The following ANKMY1 variants were observed in gnomAD, a reference collection of about 807,000 sequenced individuals.
ANKMY1 encodes the protein ankyrin repeat and MYND domain containing 1.
ANKMY1 carries 98 observed loss-of-function variants against 102.0 expected under a neutral mutation model. That is an observed-to-expected ratio of 0.96 (90% CI 0.82 to 1.14). The LOEUF (loss-of-function observed/expected upper bound fraction) is 1.14. Ranked by LOEUF, ANKMY1 falls within the 50% of genes most tolerant of loss-of-function variation. The probability of loss-of-function intolerance (pLI) is 0.00; values close to 1 mark genes in which losing one functional copy is unlikely to be tolerated. For synonymous variants in ANKMY1, 582 were observed against 559.9 expected (o/e 1.04, Z -0.56); for missense variants, 1,330 against 1,347.6 (o/e 0.99, Z 0.20).
At chr2:240,518,246 C>T (rs995547521) in intron 9 of ANKMY1, among the ~76,000 whole-genome samples, 1 of 152,136 alleles carries the variant, frequency 6.6e-6, no homozygotes, top group African/African-American at 2.4e-5. Context: ...GGAAACCAAC[C>T]AGCAGTCCTC....
intron 9 of ANKMY1, among the ~76,000 whole-genome samples, chr2:240,516,922 CTTTT>C (rs1346467908): frequency 6.6e-6 from 1 of 152,120 alleles, no homozygotes; most frequent in African/African-American, 2.4e-5. Flanking sequence ...ACTGCTGTTT[CTTTT>C]TGTTTCATTT....
chr2:240,541,093 G>A (rs1438538216), intron 4 of ANKMY1, among the ~76,000 whole-genome samples: 8 of 152,196 alleles, frequency 5.3e-5, no homozygotes, highest in Non-Finnish European at 1.0e-4. Context: ...ACTAAGAGAG[G>A]AAAGCACCCC....
At chr2:240,560,839 C>T (rs1173394450), upstream of ANKMY1, 2 of 1,400,246 alleles carry the variant, frequency 1.4e-6, no homozygotes, top group Non-Finnish European at 9.2e-7. Context: ...GTCAACGTCT[C>T]CCGCCAGCAG....
At chr2:240,505,568 T>A (rs1344032709) in intron 13 of ANKMY1, among the ~76,000 whole-genome samples, 1 of 151,850 alleles carries the variant, frequency 6.6e-6, no homozygotes, top group Non-Finnish European at 1.5e-5. Flanking sequence ...AAGAGAAACG[T>A]GTCCATTGGC....
downstream of ANKMY1, among the ~76,000 whole-genome samples, chr2:240,477,318 A>G (rs1238289923): frequency 6.6e-6 from 1 of 152,188 alleles, no homozygotes; most frequent in African/African-American, 2.4e-5. Context: ...CTCTGTCTCA[A>G]AAAAAATAAT....
In ANKMY1 at chr2:240,479,571, C is replaced by T; in HGVS notation, c.*38G>A. ...AGGCAGGTAAGAAACCCACACAGTC[C>T]TGGGTCCTCCCCAAGCCTCGGACGT... On this transcript the variant is annotated 3_prime_UTR_variant, in exon 18 of 18. Coordinates refer to ENST00000401804, the MANE Select transcript of ANKMY1 (RefSeq NM_001282771.3). The T allele has an allele frequency of 6.2e-7, 1 of 1,611,424 alleles. No individual in the cohort carries two copies. Among genetic ancestry groups the T allele is most frequent in the African/African-American group, 1.3e-5 (1 of 75,006 alleles).
intron 13 of ANKMY1, among the ~76,000 whole-genome samples, chr2:240,505,708 TGA>T (rs1449637584): frequency 6.6e-6 from 1 of 151,704 alleles, no homozygotes; most frequent in African/African-American, 2.4e-5. Context: ...AACTTTTCTG[TGA>T]GTCTGAAAAG....
chr2:240,533,718 AACACACAC>A (rs34916770), intron 4 of ANKMY1, among the ~76,000 whole-genome samples: 241 of 145,602 alleles, frequency 1.7e-3, no homozygotes, highest in Middle Eastern at 3.6e-3. Flanking sequence ...GATTTCAATA[AACACACAC>A]ACACACACAC....
At chr2:240,554,786 G>T in intron 3 of ANKMY1, 80 bp downstream of exon 3, 1 of 1,519,076 alleles carries the variant, frequency 6.6e-7, no homozygotes, top group South Asian at 1.2e-5. Flanking sequence ...AAAAGTTCCC[G>T]TCCCATCACT....
downstream of ANKMY1, among the ~76,000 whole-genome samples, chr2:240,476,753 C>T (rs550437068): frequency 6.6e-6 from 1 of 152,222 alleles, no homozygotes; most frequent in South Asian, 2.1e-4. Context: ...ATTGGTTATA[C>T]AATTACAGGT....
At chr2:240,538,529 C>T (rs1202069029) in intron 4 of ANKMY1, among the ~76,000 whole-genome samples, 2 of 152,152 alleles carry the variant, frequency 1.3e-5, no homozygotes, top group Admixed American at 6.5e-5. Flanking sequence ...GGGCAGGGCT[C>T]GGGACCTGCA....
At position 240,507,621 on chromosome 2, in the gene ANKMY1, A is replaced by T; in HGVS notation, c.2465T>A (p.Leu822Gln). Reference sequence around the variant, plus strand: ...GTAGGTCAGGTCACAGGCAACACACAGGGCACTGCCCAAGCCTTTGGTCAG... The same window carrying T: ...GTAGGTCAGGTCACAGGCAACACACTGGGCACTGCCCAAGCCTTTGGTCAG... ...LPLTKGLGSA[L>Q]CVACDLTYEH... is the part of the protein sequence containing the mutation. Residue 822 changes from leucine (L) to glutamine (Q), a missense_variant, in exon 13 of 18, where the codon CTG becomes CAG. Transcript: ENST00000401804. 6.2e-7 allele frequency: 1 copy of T among 1,611,904 alleles called. No individual in the cohort carries two copies. The highest frequency in any genetic ancestry group is 1.7e-4 in the Middle Eastern group (1 of 6,048).
chr2:240,556,195 C>T (rs999409874), intron 2 of ANKMY1, among the ~76,000 whole-genome samples: 8 of 151,368 alleles, frequency 5.3e-5, no homozygotes, highest in African/African-American at 1.5e-4. Flanking sequence ...GGGAAAAGGG[C>T]TTGTGGGAAA....
chr2:240,538,437 G>T (rs2087550052), intron 4 of ANKMY1, among the ~76,000 whole-genome samples: 1 of 152,186 alleles, frequency 6.6e-6, no homozygotes, highest in Non-Finnish European at 1.5e-5. Flanking sequence ...AGAAGCTGCG[G>T]AGGGTGCGCC....
In ANKMY1 at chr2:240,520,291, C is replaced by T; in HGVS notation, c.2004+71G>A. 1.3e-6 allele frequency: 2 copies of T among 1,487,352 alleles called. No homozygotes were observed. The highest frequency in any genetic ancestry group is 2.8e-5 in the African/African-American group (2 of 71,342). 92.1% of individuals were successfully genotyped at this position (1,487,352 alleles called of 1,614,324 possible). ...CCCTCTCTTCCGCGCCTAGGTGGAG[C>T]GAGGAGCTTCCCGGCCAGTGCCCGG... On this transcript the variant is annotated intron_variant, in intron 9 of 17. Coordinates refer to ENST00000401804, the MANE Select transcript of ANKMY1 (RefSeq NM_001282771.3). This position sits in a 1 kb window ranked among gnomAD's most constrained non-coding sequence, Gnocchi z 4.8.
downstream of ANKMY1, among the ~76,000 whole-genome samples, chr2:240,475,093 TTA>T (rs1354607901): frequency 2.6e-5 from 4 of 152,232 alleles, no homozygotes; most frequent in Non-Finnish European, 5.9e-5. Context: ...TCTATTAATT[TTA>T]CTTTTAATCA....
intron 15 of ANKMY1, among the ~76,000 whole-genome samples, chr2:240,495,361 G>A (rs867337348): frequency 1.1e-4 from 17 of 152,136 alleles, no homozygotes; most frequent in African/African-American, 2.7e-4. Flanking sequence ...AGGCCTAACC[G>A]TCTCCCTGTG....
intron 4 of ANKMY1, among the ~76,000 whole-genome samples, chr2:240,531,246 C>T (rs1188065360): frequency 1.3e-5 from 2 of 152,206 alleles, no homozygotes; most frequent in South Asian, 2.1e-4. Context: ...TACCAAGTGT[C>T]GACAAGGATG....
the ANKMY1 span, among the ~76,000 whole-genome samples, chr2:240,474,262 A>ATTTTTTTTT: frequency 1.1e-5 from 1 of 90,986 alleles, no homozygotes; most frequent in Non-Finnish European, 2.0e-5. Flanking sequence ...TGCCTGGCTA[A>ATTTTTTTTT]TTTTTTTTTT....
Sources: allele counts gnomAD v4.1 joint callset (sites outside exome capture counted in the v4.1 genomes callset), GRCh38; gene constraint gnomAD v4.1.1; non-coding constraint Gnocchi (gnomAD v3.1); transcripts MANE v1.5; gene names NCBI Gene and HGNC (gene_info 2026-07-23, HGNC 2026-07-21).